DDX10: variants seen among roughly 807,000 people sequenced by gnomAD.
DDX10 encodes the protein probable ATP-dependent RNA helicase DDX10.
In DDX10, 74 loss-of-function variants were observed where a neutral mutation model predicts 104.3. The ratio of observed to expected loss-of-function variants is 0.71; its 90% CI spans 0.59 to 0.86. DDX10 has a LOEUF of 0.86. Ranked by LOEUF, DDX10 falls within the 40% of genes least tolerant of loss-of-function variation. The pLI is 0.00. For missense variants in DDX10, 952 were observed against 1,040.0 expected (o/e 0.92, Z 1.16); for synonymous variants, 351 against 353.4 (o/e 0.99, Z 0.08).
intron 16 of DDX10, among the ~76,000 whole-genome samples, chr11:108,880,826 T>C (rs1863218548): frequency 6.6e-6 from 1 of 152,204 alleles, no homozygotes; most frequent in African/African-American, 2.4e-5. Flanking sequence ...TACCAAGTGG[T>C]ACTTAAAGCT....
chr11:108,789,044 C>T (rs1017977620), intron 13 of DDX10, among the ~76,000 whole-genome samples: 5 of 152,234 alleles, frequency 3.3e-5, no homozygotes, highest in African/African-American at 1.2e-4. Flanking sequence ...ACCCCACTCC[C>T]CTGCTGGTCT....
chr11:108,895,949 A>C (rs1432929124), intron 16 of DDX10, among the ~76,000 whole-genome samples: 1 of 152,136 alleles, frequency 6.6e-6, no homozygotes, highest in Non-Finnish European at 1.5e-5. Flanking sequence ...AAAGAAAGTT[A>C]TATCAACTTC....
chr11:108,848,486 T>G (rs1486763134), intron 15 of DDX10, among the ~76,000 whole-genome samples: 1 of 152,166 alleles, frequency 6.6e-6, no homozygotes, highest in African/African-American at 2.4e-5. Context: ...CCTTCTAGTT[T>G]CAGCCCTTCT....
At chr11:108,829,112 G>T (rs1358083636) in intron 13 of DDX10, among the ~76,000 whole-genome samples, 3 of 152,186 alleles carry the variant, frequency 2.0e-5, no homozygotes, top group African/African-American at 7.2e-5. Flanking sequence ...ATACCTAATA[G>T]TGGGATGTCT....
intron 6 of DDX10, among the ~76,000 whole-genome samples, chr11:108,685,671 T>C (rs1285682030): frequency 6.6e-6 from 1 of 152,250 alleles, no homozygotes; most frequent in Non-Finnish European, 1.5e-5. Flanking sequence ...GACAGGCCTT[T>C]TTAAAAGAGT....
intron 13 of DDX10, among the ~76,000 whole-genome samples, chr11:108,834,927 CAAAAAAA>C (rs56174572): frequency 1.6e-5 from 1 of 62,252 alleles, no homozygotes; most frequent in Non-Finnish European, 2.8e-5. Flanking sequence ...GACTCCATCT[CAAAAAAA>C]AAAAAAAAAA....
chr11:108,800,839 T>G (rs1351654936), intron 13 of DDX10, among the ~76,000 whole-genome samples: 8 of 152,256 alleles, frequency 5.3e-5, no homozygotes, highest in Admixed American at 5.2e-4. Flanking sequence ...TTTTCACTTA[T>G]CCTTTGAGTG....
intron 17 of DDX10, among the ~76,000 whole-genome samples, chr11:108,923,656 A>G (rs1863869928): frequency 6.6e-6 from 1 of 152,222 alleles, no homozygotes; most frequent in Non-Finnish European, 1.5e-5. Context: ...GGTTACAGGT[A>G]GCTAAATAAG....
At chr11:108,838,211 A>C in intron 13 of DDX10, 1 of 300,780 alleles carries the variant, frequency 3.3e-6, no homozygotes, top group Non-Finnish European at 6.2e-6. Flanking sequence ...GAGAAAATGT[A>C]AACGTTATTG....
chr11:108,834,942 A>AAG (rs1287320439), intron 13 of DDX10, among the ~76,000 whole-genome samples: 1 of 150,972 alleles, frequency 6.6e-6, no homozygotes, highest in South Asian at 2.1e-4. Context: ...AAAAAAAAAA[A>AAG]AAAAAAAGAA....
chr11:108,819,236 C>T (rs565103864), intron 13 of DDX10, among the ~76,000 whole-genome samples: 3 of 152,268 alleles, frequency 2.0e-5, no homozygotes, highest in East Asian at 1.9e-4. Flanking sequence ...TCACAGAACT[C>T]TTATTACCTT....
At chr11:108,771,164 C>G (rs1422736847) in intron 13 of DDX10, among the ~76,000 whole-genome samples, 1 of 152,084 alleles carries the variant, frequency 6.6e-6, no homozygotes, top group Non-Finnish European at 1.5e-5. Context: ...TGAGAAATAT[C>G]TATTCAACTC....
chr11:108,865,518 G>C (rs1001595184), intron 16 of DDX10, among the ~76,000 whole-genome samples: 3 of 152,140 alleles, frequency 2.0e-5, no homozygotes, highest in Non-Finnish European at 4.4e-5. Context: ...GATTTGACTG[G>C]CCTCCTTGGG....
Position 108,684,207 on chromosome 11 carries a change from A to G in DDX10, c.848+4647A>G, listed in dbSNP as rs528794208. ...TTTTTTTTTAATTTTTTTTTTTATT[A>G]TACTCTTAAGTTTTAGGGTACATGT... is the stretch of plus-strand genomic sequence containing the variant. On this transcript the variant is annotated intron_variant, in intron 6 of 17. Transcript: ENST00000322536. Among the ~76,000 whole-genome samples, 118 of 26,406 alleles carry G rather than the reference A, an allele frequency of 4.5e-3. 2 individuals carry two copies. Among genetic ancestry groups the G allele is most frequent in the African/African-American group, 0.017 (112 of 6,544 alleles). The allele number at this position is 26,406 out of a possible 152,430, so 17.3% of individuals were successfully genotyped here. A position where few individuals can be genotyped will look rare whatever the true frequency, so the allele number is the denominator to read the frequency against.
Position 108,879,121 on chromosome 11 carries a change from C to T in DDX10, c.2304+26912C>T, listed in dbSNP as rs143085662. Among the ~76,000 whole-genome samples the T allele has an allele frequency of 1.5e-3, 221 of 152,186 alleles. 3 individuals are homozygous for T. Among genetic ancestry groups the T allele is most frequent in the Admixed American group, 0.01 (157 of 15,296 alleles). The stretch of plus-strand genomic sequence containing the variant: ...CAGGTTCAAGCGATTCCCGTGTCAG[C>T]CTTCCAGGTAGCTGGGACTACAGGT... On this transcript the variant is annotated intron_variant, in intron 16 of 17. Coordinates refer to ENST00000322536, the MANE Select transcript of DDX10 (RefSeq NM_004398.4).
intron 16 of DDX10, among the ~76,000 whole-genome samples, chr11:108,882,397 C>T (rs77648952): frequency 0.028 from 4,284 of 152,234 alleles, 177 homozygotes; most frequent in African/African-American, 0.095. Context: ...TTTAATTCCA[C>T]ATCTGTCTCA....
chr11:108,911,468 C>T (rs1863676442), intron 16 of DDX10, among the ~76,000 whole-genome samples: 1 of 151,340 alleles, frequency 6.6e-6, no homozygotes, highest in Admixed American at 6.6e-5. Context: ...GAGCAAGTTT[C>T]CTCAGACCTC....
chr11:108,875,382 A>C (rs764129187), intron 16 of DDX10, among the ~76,000 whole-genome samples: 1 of 152,180 alleles, frequency 6.6e-6, no homozygotes, highest in Non-Finnish European at 1.5e-5. Context: ...ATGGGTCACA[A>C]GCTTGTGAAA....
chr11:108,884,557 T>C (rs953043828), intron 16 of DDX10, among the ~76,000 whole-genome samples: 1 of 152,222 alleles, frequency 6.6e-6, no homozygotes, highest in South Asian at 2.1e-4. Context: ...CTTTCTGCCC[T>C]TCTGTAACTC....
Sources: allele counts gnomAD v4.1 joint callset (sites outside exome capture counted in the v4.1 genomes callset), GRCh38; gene constraint gnomAD v4.1.1; transcripts MANE v1.5; gene names NCBI Gene and HGNC (gene_info 2026-07-23, HGNC 2026-07-21).